Variants in MARCHF1 observed in about 807,000 individuals in gnomAD.
The protein encoded by MARCHF1 is membrane associated ring-CH-type finger 1, also known as E3 ubiquitin-protein ligase MARCHF1.
In MARCHF1, 40 loss-of-function variants were observed where a neutral mutation model predicts 54.2. The ratio of observed to expected loss-of-function variants is 0.74; its 90% CI spans 0.57 to 0.96. The LOEUF (loss-of-function observed/expected upper bound fraction) is 0.96. Among genes scored for constraint, MARCHF1 ranks in the 40% least tolerant of loss-of-function variants. The pLI is 0.00. For missense variants in MARCHF1, 586 were observed against 656.5 expected (o/e 0.89, Z 1.17); for synonymous variants, 236 against 236.3 (o/e 1.00, Z 0.01).
At chr4:164,165,434 C>T (rs1014924803) in intron 1 of MARCHF1, among the ~76,000 whole-genome samples, 5 of 151,714 alleles carry the variant, frequency 3.3e-5, no homozygotes, top group South Asian at 2.1e-4. Context: ...GAGAAGATAA[C>T]CTTCTGCAAG....
intron 4 of MARCHF1, among the ~76,000 whole-genome samples, chr4:163,802,153 C>CAA (rs1397574386): frequency 6.6e-6 from 1 of 152,012 alleles, no homozygotes; most frequent in Non-Finnish European, 1.5e-5. Flanking sequence ...ATCCATCCCT[C>CAA]AAAAAGTTAA....
chr4:164,206,170 C>A lies in MARCHF1; in HGVS notation c.-322-94508G>T, dbSNP rs573851788. Among the ~76,000 whole-genome samples the A allele has an allele frequency of 6.0e-4, 91 of 152,282 alleles. 1 individual carries two copies. Among genetic ancestry groups the A allele is most frequent in the Non-Finnish European group, 1.2e-3 (79 of 68,020 alleles). ...ATTTTATTTTGGCCAGGCGCGGTGG[C>A]TCATGCTTGCAATCCCAGCACTTTG... On this transcript the variant is annotated intron_variant, in intron 1 of 9. Transcript: ENST00000514618.
intron 1 of MARCHF1, among the ~76,000 whole-genome samples, chr4:164,113,126 T>G (rs1405744096): frequency 1.3e-5 from 2 of 151,956 alleles, no homozygotes; most frequent in Admixed American, 6.6e-5. Context: ...ACATTCTCTA[T>G]TTCAATGGAC....
intron 1 of MARCHF1, among the ~76,000 whole-genome samples, chr4:164,257,667 A>G (rs967729109): frequency 1.3e-5 from 2 of 152,046 alleles, no homozygotes; most frequent in African/African-American, 4.8e-5. Context: ...AATAAAAAAC[A>G]TAATAAAATC....
chr4:164,299,553 C>T (rs1203007615), intron 1 of MARCHF1, among the ~76,000 whole-genome samples: 1 of 152,086 alleles, frequency 6.6e-6, no homozygotes, highest in Non-Finnish European at 1.5e-5. Flanking sequence ...TGGATTTTTG[C>T]CCACCAAATT....
intron 2 of MARCHF1, among the ~76,000 whole-genome samples, chr4:164,030,657 C>T (rs1362605517): frequency 6.6e-6 from 1 of 152,128 alleles, no homozygotes; most frequent in Non-Finnish European, 1.5e-5. Flanking sequence ...ATGCAGGAAG[C>T]ACTGAGGAAA....
chr4:164,127,061 A>G lies in MARCHF1; in HGVS notation c.-322-15399T>C, dbSNP rs1230985069. On this transcript the variant is annotated intron_variant, in intron 1 of 9. Transcript: ENST00000514618. The stretch of plus-strand genomic sequence containing the variant: ...AGAGTGAAACTCCGTCTCAAAACAA[A>G]ACAAAACAAAACAAAACAAAGAGGA... Among the ~76,000 whole-genome samples the G allele has an allele frequency of 5.9e-5, 9 of 151,968 alleles. No individual in the cohort carries two copies. In the East Asian group the frequency reaches 1.8e-3, roughly 30 times the overall value.
At chr4:164,029,503 C>G (rs1753833010) in intron 2 of MARCHF1, among the ~76,000 whole-genome samples, 1 of 148,508 alleles carries the variant, frequency 6.7e-6, no homozygotes, top group Non-Finnish European at 1.5e-5. Context: ...AGCAGGGACA[C>G]AGATCCACAC....
intron 1 of MARCHF1, among the ~76,000 whole-genome samples, chr4:164,301,399 A>G (rs558436309): frequency 6.6e-6 from 1 of 152,344 alleles, no homozygotes; most frequent in South Asian, 2.1e-4. Flanking sequence ...AGTTTACACA[A>G]GGAACACGGG....
chr4:163,831,322 G>A (rs971016), intron 4 of MARCHF1, among the ~76,000 whole-genome samples: 116,673 of 152,098 alleles, frequency 0.77, 46,239 homozygotes, highest in South Asian at 0.89. Context: ...AGTGGCTGAC[G>A]CCTATAATCC....
At chr4:163,871,807 G>T (rs1477743054) in intron 3 of MARCHF1, among the ~76,000 whole-genome samples, 1 of 151,966 alleles carries the variant, frequency 6.6e-6, no homozygotes, top group Non-Finnish European at 1.5e-5. Context: ...ACCTTCATTT[G>T]TTAATATTTG....
chr4:164,090,313 T>C (rs939704115), intron 2 of MARCHF1, among the ~76,000 whole-genome samples: 1 of 147,926 alleles, frequency 6.8e-6, no homozygotes. Context: ...AAAGAAAATA[T>C]ATTAAAGGCT....
intron 2 of MARCHF1, among the ~76,000 whole-genome samples, chr4:164,040,979 C>T (rs1754117025): frequency 6.6e-6 from 1 of 152,176 alleles, no homozygotes; most frequent in East Asian, 1.9e-4. Flanking sequence ...ATGTTCACTA[C>T]TACCTTTCCT....
intron 3 of MARCHF1, among the ~76,000 whole-genome samples, chr4:163,922,967 G>T (rs35327051): frequency 0.74 from 113,089 of 151,988 alleles, 42,138 homozygotes; most frequent in Middle Eastern, 0.82. Context: ...CCTAAGCAAA[G>T]CTATAGAGAT....
chr4:163,590,691 G>A (rs1442163365), intron 7 of MARCHF1, among the ~76,000 whole-genome samples: 1 of 152,002 alleles, frequency 6.6e-6, no homozygotes, highest in Admixed American at 6.6e-5. Context: ...CAGTGGCATC[G>A]TACAGAGTTT....
chr4:164,294,707 C>T (rs1041878711), intron 1 of MARCHF1, among the ~76,000 whole-genome samples: 1 of 152,118 alleles, frequency 6.6e-6, no homozygotes, highest in African/African-American at 2.4e-5. Flanking sequence ...TTTTACTTAA[C>T]ATGCACAGCA....
intron 2 of MARCHF1, among the ~76,000 whole-genome samples, chr4:164,015,980 A>G (rs1753532864): frequency 6.6e-6 from 1 of 152,174 alleles, no homozygotes; most frequent in Non-Finnish European, 1.5e-5. Flanking sequence ...AAGAAAGGCA[A>G]TCAATATATC....
At chr4:164,020,313 A>G (rs1753633822) in intron 2 of MARCHF1, among the ~76,000 whole-genome samples, 1 of 152,206 alleles carries the variant, frequency 6.6e-6, no homozygotes, top group South Asian at 2.1e-4. Flanking sequence ...AAAAGGAATT[A>G]TGACATTGGA....
intron 1 of MARCHF1, among the ~76,000 whole-genome samples, chr4:164,168,663 TACACACACACACAC>T (rs3059785): frequency 1.3e-4 from 19 of 147,068 alleles, no homozygotes; most frequent in Non-Finnish European, 2.4e-4. Context: ...TTATGTGGAA[TACACACACACACAC>T]ACACACACAC....
Sources: gnomAD v4.1 joint callset for allele counts (sites outside exome capture counted in the v4.1 genomes callset) on GRCh38, gnomAD v4.1.1 for gene constraint, MANE v1.5 for transcripts, NCBI Gene and HGNC (gene_info 2026-07-23, HGNC 2026-07-21) for gene names.